OSBP2: variants seen among roughly 807,000 people sequenced by gnomAD.
OSBP2 encodes the protein oxysterol binding protein 2.
In OSBP2, 66 loss-of-function variants were observed where a neutral mutation model predicts 96.0. That is an observed-to-expected ratio of 0.69 (90% CI 0.56 to 0.84). OSBP2 has a LOEUF of 0.84. Among genes scored for constraint, OSBP2 ranks in the 40% least tolerant of loss-of-function variants. OSBP2 has a pLI of 0.00. For missense variants in OSBP2, 1,038 were observed against 1,222.7 expected (o/e 0.85, Z 2.25); for synonymous variants, 525 against 520.9 (o/e 1.01, Z -0.11).
At chr22:30,714,899 A>G (rs2089421654) in intron 1 of OSBP2, among the ~76,000 whole-genome samples, 1 of 152,206 alleles carries the variant, frequency 6.6e-6, no homozygotes, top group Non-Finnish European at 1.5e-5. Context: ...TACAGGCATG[A>G]GCCACCACGC....
chr22:30,870,402 C>A lies in OSBP2; in HGVS notation c.854-27C>A, dbSNP rs1324869723. ...TTGGTACCACGTCTGTTCGTAATGA[C>A]CGTAACAACTCTATTTTCTTCCACA... On this transcript the variant is annotated intron_variant, in intron 2 of 13. Transcript: ENST00000332585. This position sits in a 1 kb window ranked among gnomAD's most constrained non-coding sequence, Gnocchi z 4.1. 1 of 1,611,792 alleles carries A rather than the reference C, an allele frequency of 6.2e-7. No homozygotes were observed. The highest frequency in any genetic ancestry group is 1.7e-5 in the Admixed American group (1 of 59,984).
rs758690893 is a variant in OSBP2 at position 30,741,278 on chromosome 22, C to T, written c.762C>T (p.Leu254=). The part of the protein sequence containing the change: ...LLTSGARSYH[L]KASSEVDRQQ... ...CCAGTGGGGCCAGGAGCTACCACCT[C>T]AAGGCCAGCTCAGAGGTGGACCGGC... Residue 254 remains leucine (L), a synonymous_variant, in exon 2 of 14, where the codon CTC becomes CTT. Coordinates refer to ENST00000332585, the MANE Select transcript of OSBP2 (RefSeq NM_030758.4). 6.2e-7 allele frequency: 1 copy of T among 1,614,048 alleles called. No individual in the cohort carries two copies. Among genetic ancestry groups the T allele is most frequent in the South Asian group, 1.1e-5 (1 of 91,082 alleles).
At chr22:30,882,759 G>T (rs1008185914) in intron 3 of OSBP2, among the ~76,000 whole-genome samples, 1 of 152,174 alleles carries the variant, frequency 6.6e-6, no homozygotes, top group African/African-American at 2.4e-5. Flanking sequence ...TCAGCTGCCC[G>T]GATCTGTGGA....
At chr22:30,900,571 C>A (rs1462846937) in intron 12 of OSBP2, among the ~76,000 whole-genome samples, 1 of 151,680 alleles carries the variant, frequency 6.6e-6, no homozygotes, top group African/African-American at 2.4e-5. Flanking sequence ...TACTAGATAC[C>A]AGGATTTTTA....
intron 2 of OSBP2, among the ~76,000 whole-genome samples, chr22:30,851,545 T>G (rs1048431293): frequency 4.6e-5 from 7 of 152,202 alleles, no homozygotes; most frequent in Non-Finnish European, 8.8e-5. Flanking sequence ...TAAAACCTTT[T>G]TCATTTCTTC....
In OSBP2 at chr22:30,890,627, G is replaced by C. The variant is rs1179880221; in HGVS notation, c.1624-101G>C. On this transcript the variant is annotated intron_variant, in intron 7 of 13. Transcript: ENST00000332585. This position sits in a 1 kb window ranked among gnomAD's most constrained non-coding sequence, Gnocchi z 4.4. Reference sequence around the variant, plus strand: ...ATCTGAGGAGCCTCACTGTGAAGGTGCTGTCTGAGCAGGGATGTCCCTGAA... The same window carrying C: ...ATCTGAGGAGCCTCACTGTGAAGGTCCTGTCTGAGCAGGGATGTCCCTGAA... 8 of 1,323,074 alleles carry C rather than the reference G, an allele frequency of 6.0e-6. No homozygotes were observed. The highest frequency in any genetic ancestry group is 8.5e-6 in the Non-Finnish European group (8 of 946,400). The allele number at this position is 1,323,074 out of a possible 1,614,324, so 82.0% of individuals were successfully genotyped here. A position where few individuals can be genotyped will look rare whatever the true frequency, so the allele number is the denominator to read the frequency against.
At chr22:30,813,171 CTTTTTTTT>C (rs911860511) in intron 2 of OSBP2, among the ~76,000 whole-genome samples, 1 of 78,588 alleles carries the variant, frequency 1.3e-5, no homozygotes, top group Non-Finnish European at 2.5e-5. Context: ...ATGTTGCATT[CTTTTTTTT>C]TTTTTTTTTT....
chr22:30,877,470 G>T (rs550466203), intron 3 of OSBP2, among the ~76,000 whole-genome samples: 1 of 152,310 alleles, frequency 6.6e-6, no homozygotes, highest in South Asian at 2.1e-4. Context: ...GAGCACCAGG[G>T]TATACCTTGT....
intron 2 of OSBP2, among the ~76,000 whole-genome samples, chr22:30,779,420 A>G (rs1168245589): frequency 6.6e-6 from 1 of 152,092 alleles, no homozygotes; most frequent in Non-Finnish European, 1.5e-5. Context: ...TGGTTTTTAT[A>G]TATGTTGTAT....
intron 2 of OSBP2, among the ~76,000 whole-genome samples, chr22:30,806,730 T>A (rs2145850141): frequency 6.6e-6 from 1 of 152,238 alleles, no homozygotes; most frequent in Admixed American, 6.5e-5. Flanking sequence ...CAGAAAGGGC[T>A]GCCCAAGTCC....
chr22:30,740,825 C>T (rs983334424), intron 1 of OSBP2, among the ~76,000 whole-genome samples: 1 of 152,120 alleles, frequency 6.6e-6, no homozygotes, highest in Admixed American at 6.5e-5. Context: ...GCATAGAGTC[C>T]GAAGGCTGAT....
chr22:30,748,435 A>C (rs886416444), intron 2 of OSBP2, among the ~76,000 whole-genome samples: 1 of 152,174 alleles, frequency 6.6e-6, no homozygotes, highest in African/African-American at 2.4e-5. Flanking sequence ...TCCTCAATAG[A>C]ACCTAAGTTC....
rs146998617 is a variant in OSBP2 at position 30,884,907 on chromosome 22, A to G, written c.1108-2519A>G. On this transcript the variant is annotated intron_variant, in intron 3 of 13. Transcript: ENST00000332585. ...CACAGTCGCTGGAGAGACCGACCCA[A>G]TGGGCAGGCATCTGAGCGGTTCTGA... Among the ~76,000 whole-genome samples the G allele has an allele frequency of 5.2e-3, 790 of 152,268 alleles. 8 individuals are homozygous for G. The highest frequency in any genetic ancestry group is 0.016 in the African/African-American group (675 of 41,552).
intron 1 of OSBP2, among the ~76,000 whole-genome samples, chr22:30,705,368 ACCGCAACCT>A (rs980840282): frequency 5.9e-5 from 9 of 151,938 alleles, no homozygotes; most frequent in African/African-American, 2.2e-4. Flanking sequence ...ATCTCAGCTC[ACCGCAACCT>A]CCGCCTCCCG....
rs370162841 is a variant in OSBP2, at chr22:30,887,585, C to T, written c.1267C>T (p.Arg423Trp). The stretch of plus-strand genomic sequence containing the variant: ...GCGGGCCTTCCACAGTGCCCCTGGC[C>T]GGCCGGCCAACCCCTCCAAGAGCTT... ...LERAFHSAPG[R>W]PANPSKSFIE... Residue 423 changes from arginine to tryptophan, a missense_variant, in exon 4 of 14, where the codon CGG becomes TGG. Coordinates refer to ENST00000332585, the MANE Select transcript of OSBP2 (RefSeq NM_030758.4). 7.1e-5 allele frequency: 114 copies of T among 1,609,810 alleles called. No homozygotes were observed. The highest frequency in any genetic ancestry group is 8.5e-5 in the Non-Finnish European group (100 of 1,178,640).
chr22:30,791,366 A>ATCCAGGCT (rs2090672428), intron 2 of OSBP2, among the ~76,000 whole-genome samples: 1 of 120,258 alleles, frequency 8.3e-6, no homozygotes, highest in Non-Finnish European at 1.6e-5. Context: ...TGGCTCTGTC[A>ATCCAGGCT]TCCAGGCTGG....
At chr22:30,857,954 C>T (rs2039112015) in intron 2 of OSBP2, among the ~76,000 whole-genome samples, 1 of 152,170 alleles carries the variant, frequency 6.6e-6, no homozygotes, top group African/African-American at 2.4e-5. Flanking sequence ...TGAAGGGCCT[C>T]CTGGAACACC....
At chr22:30,730,806 A>AT (rs1555908802) in intron 1 of OSBP2, among the ~76,000 whole-genome samples, 853 of 41,506 alleles carry the variant, frequency 0.021, 102 homozygotes, top group African/African-American at 0.029. Context: ...ATATATATAT[A>AT]TAATTTTTTT....
At chr22:30,731,935 T>C (rs2089786786) in intron 1 of OSBP2, among the ~76,000 whole-genome samples, 1 of 152,192 alleles carries the variant, frequency 6.6e-6, no homozygotes, top group African/African-American at 2.4e-5. Flanking sequence ...GGCTGGTCTG[T>C]GATGTTTGCG....
Sources: gnomAD v4.1 joint callset for allele counts (sites outside exome capture counted in the v4.1 genomes callset) on GRCh38, gnomAD v4.1.1 for gene constraint, Gnocchi (gnomAD v3.1) non-coding constraint, MANE v1.5 for transcripts, NCBI Gene and HGNC (gene_info 2026-07-23, HGNC 2026-07-21) for gene names.